The following PPP6R2 variants were observed in gnomAD, a reference collection of about 807,000 sequenced individuals.
PPP6R2 encodes serine/threonine-protein phosphatase 6 regulatory subunit 2.
Under a neutral mutation model 100.2 loss-of-function variants are expected in PPP6R2, and 62 were observed. The ratio of observed to expected loss-of-function variants is 0.62; its 90% CI spans 0.50 to 0.76. The LOEUF is 0.76. Ranked by LOEUF, PPP6R2 falls within the 30% of genes least tolerant of loss-of-function variation. The pLI is 0.00. For synonymous variants in PPP6R2, 525 were observed against 514.7 expected (o/e 1.02, Z -0.27); for missense variants, 1,142 against 1,276.3 (o/e 0.89, Z 1.60).
At chr22:50,363,216 G>T (rs2148368656) in intron 1 of PPP6R2, among the ~76,000 whole-genome samples, 1 of 152,230 alleles carries the variant, frequency 6.6e-6, no homozygotes, top group Admixed American at 6.5e-5. Flanking sequence ...ATGCCCTCTT[G>T]TGCTGCAGCC....
chr22:50,368,360 TAGACCAAGGAGTCCTTTA>T (rs1217437773), intron 1 of PPP6R2, among the ~76,000 whole-genome samples: 2 of 152,156 alleles, frequency 1.3e-5, no homozygotes, highest in Non-Finnish European at 2.9e-5. Context: ...GCGCTACCAC[TAGACCAAGGAGTCCTTTA>T]GTGGCCCTGT....
At chr22:50,436,499 A>G in intron 14 of PPP6R2, 47 bp downstream of exon 14, 1 of 1,522,490 alleles carries the variant, frequency 6.6e-7, no homozygotes, top group South Asian at 1.2e-5. Context: ...CGGTGCTGGG[A>G]CGCCGTCAGA....
At chr22:50,355,306 C>T (rs1415345452) in intron 1 of PPP6R2, among the ~76,000 whole-genome samples, 42 of 141,446 alleles carry the variant, frequency 3.0e-4, no homozygotes, top group African/African-American at 1.0e-3. Context: ...GGCGTGATCT[C>T]GGCTCACTGC....
chr22:50,429,798 G>C (rs1163323352), intron 10 of PPP6R2, among the ~76,000 whole-genome samples: 1 of 152,152 alleles, frequency 6.6e-6, no homozygotes, highest in Non-Finnish European at 1.5e-5. Flanking sequence ...TGAGAGGTAG[G>C]TCTGACTCCA....
At chr22:50,369,323 T>G (rs1006932093) in intron 1 of PPP6R2, among the ~76,000 whole-genome samples, 2 of 152,156 alleles carry the variant, frequency 1.3e-5, no homozygotes, top group African/African-American at 4.8e-5. Flanking sequence ...TTTTGAGTTA[T>G]TTAGCTTAAT....
upstream of PPP6R2, among the ~76,000 whole-genome samples, chr22:50,341,856 G>GGTGGCGGGCGCC (rs1311629472): frequency 2.0e-5 from 3 of 152,178 alleles, no homozygotes; most frequent in African/African-American, 4.8e-5. Flanking sequence ...AGCCGGGCGC[G>GGTGGCGGGCGCC]GTGGCGGGCG....
In PPP6R2 at chr22:50,436,448, AC is replaced by A; in HGVS notation, c.1600del (p.Leu534TrpfsTer2). ...LTETNRRNTVDLVSTHHLHSS... is the reference protein window; with the variant it reads ...LTETNRRNTVXLVSTHHLHSS... ...GAGACGAACCGCAGGAACACTGTGG[AC>A]CTGGTGAGGAGGCTCGGGGCTGCCC... On this transcript the variant is annotated frameshift_variant, in exon 14 of 24. Transcript: ENST00000612753. LOFTEE classifies it high-confidence loss of function. 6.3e-7 allele frequency: 1 copy of A among 1,589,066 alleles called. No homozygotes were observed. The highest frequency in any genetic ancestry group is 8.6e-7 in the Non-Finnish European group (1 of 1,168,952).
intron 2 of PPP6R2, among the ~76,000 whole-genome samples, chr22:50,380,693 C>T (rs2148661867): frequency 6.7e-6 from 1 of 150,132 alleles, no homozygotes; most frequent in Admixed American, 6.6e-5. Flanking sequence ...CTCTTGGGAA[C>T]TAAGAGTGAG....
In PPP6R2 at chr22:50,434,534, C is replaced by T. The variant is rs2063770622; in HGVS notation, c.1401-432C>T. 2.8e-5 allele frequency among the ~76,000 whole-genome samples: 2 copies of T among 70,382 alleles called. 1 individual carries two copies. The highest frequency in any genetic ancestry group is 1.4e-4 in the African/African-American group (2 of 14,550). The allele number at this position is 70,382 out of a possible 152,430, so 46.2% of individuals were successfully genotyped here. A position where few individuals can be genotyped will look rare whatever the true frequency, so the allele number is the denominator to read the frequency against. ...GGTGAACCTGGAGGAGGGCCGGGGG[C>T]GCGGACGCTGGGCAGGGGCCGGGCA... On this transcript the variant is annotated intron_variant, in intron 12 of 23. Transcript: ENST00000612753.
In PPP6R2 at chr22:50,422,266, G is replaced by A; in HGVS notation, c.858G>A (p.Leu286=). 6.2e-7 allele frequency: 1 copy of A among 1,614,010 alleles called. No homozygotes were observed. The highest frequency in any genetic ancestry group is 1.7e-5 in the Admixed American group (1 of 60,006). The change falls in exon 9 of 24, where the codon TTG becomes TTA. Residue 286 remains leucine, a synonymous_variant. Coordinates refer to ENST00000612753, the MANE Select transcript of PPP6R2 (RefSeq NM_001242898.2). The part of the protein sequence containing the change: ...LETRRVGTEG[L]VDSFSQGLER... ...TCCTCATCCACAGGACAGAGGGCTT[G>A]GTGGACTCCTTTTCTCAGGGACTGG... is the stretch of plus-strand genomic sequence containing the variant.
At chr22:50,386,361 A>G (rs1004178372) in intron 2 of PPP6R2, among the ~76,000 whole-genome samples, 50 of 147,532 alleles carry the variant, frequency 3.4e-4, no homozygotes, top group African/African-American at 1.2e-3. Flanking sequence ...GGCTGGTCTC[A>G]AACTCCTGAC....
chr22:50,339,317 T>C (rs2042341625), upstream of PPP6R2, among the ~76,000 whole-genome samples: 2 of 98,602 alleles, frequency 2.0e-5, no homozygotes, highest in South Asian at 8.1e-4. Context: ...GTGTTGTGGG[T>C]GTAGTGTGTG....
intron 1 of PPP6R2, among the ~76,000 whole-genome samples, chr22:50,368,702 C>T (rs569760002): frequency 1.3e-5 from 2 of 152,204 alleles, no homozygotes; most frequent in East Asian, 1.9e-4. Context: ...CTTTGTCACC[C>T]AGGCTGGAGT....
chr22:50,438,188 G>A lies in PPP6R2; in HGVS notation c.1854G>A (p.Leu618=). The A allele has an allele frequency of 6.2e-7, 1 of 1,613,454 alleles. No homozygotes were observed. The highest frequency in any genetic ancestry group is 8.5e-7 in the Non-Finnish European group (1 of 1,179,780). ...TTACTCTGCAGCCCAGCGCAGCTCT[G>A]TTTGAGGCCTGCTGCAGTGACCGCA... The part of the protein sequence containing the change: ...DADEDSPSAA[L]FEACCSDRIQ... The change falls in exon 18 of 24, where the codon CTG becomes CTA. Residue 618 remains leucine (L), a synonymous_variant. Coordinates refer to ENST00000612753, the MANE Select transcript of PPP6R2 (RefSeq NM_001242898.2).
intron 3 of PPP6R2, among the ~76,000 whole-genome samples, chr22:50,396,444 A>G (rs530859521): frequency 7.9e-4 from 119 of 151,174 alleles, no homozygotes; most frequent in Non-Finnish European, 1.5e-3. Flanking sequence ...TCAGTGAGCC[A>G]AGATCGCTCC....
At chr22:50,380,360 A>G (rs1202523722) in intron 2 of PPP6R2, among the ~76,000 whole-genome samples, 1 of 145,942 alleles carries the variant, frequency 6.9e-6, no homozygotes, top group Non-Finnish European at 1.5e-5. Context: ...GTGAGCCACC[A>G]CGCCTGATGT....
rs189895557 is a variant in PPP6R2 at position 50,432,072 on chromosome 22, G to A, written c.1336-193G>A. On this transcript the variant is annotated intron_variant, in intron 11 of 23. Coordinates refer to ENST00000612753, the MANE Select transcript of PPP6R2 (RefSeq NM_001242898.2). ...ATCTTTAGGGCGCTCAGCAGTATGA[G>A]CCCCGAACCGCACCCTCCTCTGGTG... Among the ~76,000 whole-genome samples, 662 of 152,286 alleles carry A rather than the reference G, an allele frequency of 4.3e-3. 8 individuals are homozygous for A. The highest frequency in any genetic ancestry group is 0.015 in the African/African-American group (617 of 41,568).
chr22:50,422,143 T>C (rs2061422384), intron 8 of PPP6R2, 111 bp from the exon 9 acceptor site: 1 of 1,419,946 alleles, frequency 7.0e-7, no homozygotes, highest in Admixed American at 2.1e-5. Flanking sequence ...AGGGTTTCTT[T>C]TTGGGAAAGT....
At chr22:50,436,322 T>G (rs1213856099) in intron 13 of PPP6R2, 45 bp from the exon 14 acceptor site, 2 of 1,534,658 alleles carry the variant, frequency 1.3e-6, no homozygotes, top group Admixed American at 3.9e-5. Context: ...CTGCACCATC[T>G]GCACGGGGTC....
Sources: allele counts gnomAD v4.1 joint callset (sites outside exome capture counted in the v4.1 genomes callset), GRCh38; gene constraint gnomAD v4.1.1; transcripts MANE v1.5; gene names NCBI Gene and HGNC (gene_info 2026-07-23, HGNC 2026-07-21).